Variants in GRM7 observed in about 807,000 individuals in gnomAD.
The protein encoded by GRM7 is metabotropic glutamate receptor 7.
GRM7 carries 35 observed loss-of-function variants against 84.5 expected under a neutral mutation model. The ratio of observed to expected loss-of-function variants is 0.41; its 90% CI spans 0.32 to 0.55. The LOEUF (loss-of-function observed/expected upper bound fraction) is 0.55, where lower values mean the gene tolerates loss of function less well. GRM7 is among the 20% of genes least tolerant of loss of function. The pLI is 0.19. For missense variants in GRM7, 1,003 were observed against 1,194.6 expected (o/e 0.84, Z 2.36); for synonymous variants, 487 against 455.1 (o/e 1.07, Z -0.89).
At chr3:7,148,387 C>T (rs1694175155) in intron 2 of GRM7, among the ~76,000 whole-genome samples, 1 of 152,138 alleles carries the variant, frequency 6.6e-6, no homozygotes, top group East Asian at 1.9e-4. Flanking sequence ...TGCACTATAT[C>T]ATTGTTAAAA....
intron 2 of GRM7, among the ~76,000 whole-genome samples, chr3:7,225,032 A>G (rs1696937962): frequency 6.6e-6 from 1 of 152,116 alleles, no homozygotes; most frequent in Non-Finnish European, 1.5e-5. Context: ...TTAATATAAT[A>G]TTTAGTCTGT....
intron 8 of GRM7, among the ~76,000 whole-genome samples, chr3:7,581,439 A>G (rs572768501): frequency 6.6e-6 from 1 of 152,348 alleles, no homozygotes; most frequent in South Asian, 2.1e-4. Flanking sequence ...AAAATTGCCA[A>G]ATGGGAACAG....
At chr3:7,565,044 C>A (rs1694196448) in intron 7 of GRM7, among the ~76,000 whole-genome samples, 2 of 152,180 alleles carry the variant, frequency 1.3e-5, no homozygotes, top group Admixed American at 1.3e-4. Context: ...ATTTAATTCC[C>A]TTTCTTCCTT....
chr3:7,272,992 G>A (rs1397970259), intron 2 of GRM7, among the ~76,000 whole-genome samples: 3 of 151,418 alleles, frequency 2.0e-5, no homozygotes, highest in Non-Finnish European at 2.9e-5. Context: ...TGCTGTTAAC[G>A]TTCCTCTATG....
At chr3:7,600,564 G>A (rs981985922) in intron 8 of GRM7, among the ~76,000 whole-genome samples, 3 of 152,104 alleles carry the variant, frequency 2.0e-5, no homozygotes, top group African/African-American at 7.2e-5. Context: ...CTGCGGTTAA[G>A]TTCTGCCTGT....
chr3:6,968,134 G>C (rs1274021518), intron 1 of GRM7, among the ~76,000 whole-genome samples: 2 of 152,160 alleles, frequency 1.3e-5, no homozygotes, highest in African/African-American at 4.8e-5. Context: ...TGTGCCAGCA[G>C]GGTCTTTCTC....
At chr3:7,288,387 A>C (rs1699503959) in intron 2 of GRM7, among the ~76,000 whole-genome samples, 2 of 152,172 alleles carry the variant, frequency 1.3e-5, no homozygotes, top group Admixed American at 6.5e-5. Context: ...TGCAGGAAAG[A>C]GCGAGGGGTA....
chr3:7,363,134 A>G (rs1693740489), intron 4 of GRM7, among the ~76,000 whole-genome samples: 3 of 151,834 alleles, frequency 2.0e-5, no homozygotes, highest in Admixed American at 2.0e-4. Flanking sequence ...TAAAATAAAT[A>G]AAATATAATA....
intron 7 of GRM7, among the ~76,000 whole-genome samples, chr3:7,516,069 AG>A (rs1700365404): frequency 1.4e-5 from 2 of 144,298 alleles, no homozygotes; most frequent in Non-Finnish European, 3.0e-5. Context: ...TGGGATGCTG[AG>A]GTGGGAGGAT....
At chr3:7,551,256 A>G (rs1467265802) in intron 7 of GRM7, among the ~76,000 whole-genome samples, 1 of 152,206 alleles carries the variant, frequency 6.6e-6, no homozygotes, top group Non-Finnish European at 1.5e-5. Context: ...TAAAAATTGA[A>G]GAGTTTTGCA....
intron 5 of GRM7, 147 bp from the exon 6 acceptor site, chr3:7,452,460 C>T: frequency 1.6e-6 from 1 of 639,188 alleles, no homozygotes; most frequent in Non-Finnish European, 2.8e-6. Context: ...ACGTGGTAGG[C>T]AAATGTGGCT....
At chr3:7,623,840 T>C (rs771025431) in intron 8 of GRM7, among the ~76,000 whole-genome samples, 11 of 152,142 alleles carry the variant, frequency 7.2e-5, no homozygotes, top group Admixed American at 1.3e-4. Flanking sequence ...TCCTACAAGA[T>C]GGACAGGAGT....
rs1400902448 is a variant in GRM7 at position 7,549,479 on chromosome 3, A to G, written c.1516-28943A>G. On this transcript the variant is annotated intron_variant, in intron 7 of 9. Coordinates refer to ENST00000357716, the MANE Select transcript of GRM7 (RefSeq NM_000844.4). ...TAACTGGTTGTAAACATTTACCACT[A>G]TACCTCTGAGCCTGTATGTGGGGAG... 3.3e-5 allele frequency among the ~76,000 whole-genome samples: 5 copies of G among 152,202 alleles called. No individual in the cohort carries two copies. The South Asian group carries it at 6.2e-4, about 19-fold the overall frequency.
rs531323553 is a variant in GRM7, at chr3:7,418,865, C to T, written c.1174+3702C>T. Among the ~76,000 whole-genome samples the T allele has an allele frequency of 6.6e-5, 10 of 152,236 alleles. No individual in the cohort carries two copies. The East Asian group carries it at 1.7e-3, about 26-fold the overall frequency. On this transcript the variant is annotated intron_variant, in intron 5 of 9. Transcript: ENST00000357716. ...CTAAGGACATCCATAACCACACATG[C>T]CTGTGAGAGCTTGGATAACATGTTT...
chr3:7,525,228 G>C (rs948119433), intron 7 of GRM7, among the ~76,000 whole-genome samples: 2 of 151,678 alleles, frequency 1.3e-5, no homozygotes, highest in African/African-American at 4.8e-5. Flanking sequence ...AACTAACCTG[G>C]ACATTGTGCA....
At chr3:7,679,943 T>C in intron 8 of GRM7, 106 bp from the exon 9 acceptor site, 1 of 1,005,860 alleles carries the variant, frequency 9.9e-7, no homozygotes, top group Non-Finnish European at 1.5e-6. Context: ...GCCCTGAAGA[T>C]TGCTTTATCT....
In GRM7 at chr3:6,916,678, C is replaced by T. The variant is rs79721494; in HGVS notation, c.519+54771C>T. 1.5e-4 allele frequency among the ~76,000 whole-genome samples: 23 copies of T among 152,166 alleles called. No individual in the cohort carries two copies. The East Asian group carries it at 2.3e-3, about 15-fold the overall frequency. ...ACTAATCCCATTCATGAGAACTCTG[C>T]CCTGATTATCTAATTACCTCCTAAA... On this transcript the variant is annotated intron_variant, in intron 1 of 9. Transcript: ENST00000357716.
chr3:7,096,503 C>G (rs1559436809), intron 1 of GRM7, among the ~76,000 whole-genome samples: 2 of 152,094 alleles, frequency 1.3e-5, no homozygotes, highest in Non-Finnish European at 2.9e-5. Flanking sequence ...TCCATGCCCT[C>G]TCCCCCCACT....
intron 1 of GRM7, among the ~76,000 whole-genome samples, chr3:6,937,693 T>C (rs909283537): frequency 6.6e-6 from 1 of 152,202 alleles, no homozygotes; most frequent in Non-Finnish European, 1.5e-5. Context: ...CTGAATGAGC[T>C]TGTAGAAACA....
Sources: allele counts gnomAD v4.1 joint callset (sites outside exome capture counted in the v4.1 genomes callset), GRCh38; gene constraint gnomAD v4.1.1; transcripts MANE v1.5; gene names NCBI Gene and HGNC (gene_info 2026-07-23, HGNC 2026-07-21).